The following VARS1 variants were observed in gnomAD, a reference collection of about 807,000 sequenced individuals.
VARS1 encodes valine--tRNA ligase.
A neutral mutation model predicts 161.0 loss-of-function variants in VARS1; 92 were observed. The ratio of observed to expected loss-of-function variants is 0.57; its 90% confidence interval spans 0.48 to 0.68. VARS1 has a LOEUF of 0.68. VARS1 is among the 30% of genes least tolerant of loss of function. The pLI, the probability that VARS1 is intolerant of heterozygous loss-of-function variation, is 0.00. For synonymous variants in VARS1, 595 were observed against 682.5 expected (o/e 0.87, Z 2.00); for missense variants, 1,338 against 1,695.9 (o/e 0.79, Z 3.71).
In VARS1 at chr6:31,780,964, G is replaced by T. The variant is rs1480784146; in HGVS notation, c.2650-26C>A. ...CTGAGGGTGGAGTGGGAGCAGTCAGGTGGCTGTGACCACAGCCCCACGGCC... is the reference window on the plus strand; with the variant it reads ...CTGAGGGTGGAGTGGGAGCAGTCAGTTGGCTGTGACCACAGCCCCACGGCC... On this transcript the variant is annotated intron_variant, in intron 22 of 29. Transcript: ENST00000375663. The surrounding 1 kb of genome is among the most constrained non-coding windows in gnomAD (Gnocchi z 5.1). 6.2e-7 allele frequency: 1 copy of T among 1,614,032 alleles called. No homozygotes were observed. Among genetic ancestry groups the T allele is most frequent in the Non-Finnish European group, 8.5e-7 (1 of 1,180,012 alleles).
chr6:31,778,053 A>C lies in VARS1; in HGVS notation c.3727-391T>G. On this transcript the variant is annotated intron_variant, in intron 29 of 29. Transcript: ENST00000375663. The surrounding 1 kb of genome is among the most constrained non-coding windows in gnomAD (Gnocchi z 5.1). ...CAAGTGAGATTAACCACGTCCACTC[A>C]AGGCTCTCTAGCTCTTGGCCTCCAT... 3.8e-6 allele frequency: 1 copy of C among 261,372 alleles called. No homozygotes were observed. Among genetic ancestry groups the C allele is most frequent in the Non-Finnish European group, 7.5e-6 (1 of 133,960 alleles). The allele number at this position is 261,372 out of a possible 1,614,324, so 16.2% of individuals were successfully genotyped here.
At position 31,783,076 on chromosome 6, in the gene VARS1, A is replaced by C. The variant is rs776070632; in HGVS notation, c.1762+20T>G. ...AGCTCCAGTCTTTTCCTCTCCCCAC[A>C]GGACCAGCCCCTTGCCCACCTGTGC... On this transcript the variant is annotated intron_variant, in intron 14 of 29. Coordinates refer to ENST00000375663, the MANE Select transcript of VARS1 (RefSeq NM_006295.3). 2 of 1,611,056 alleles carry C rather than the reference A, an allele frequency of 1.2e-6. No individual in the cohort carries two copies. The highest frequency in any genetic ancestry group is 1.7e-6 in the Non-Finnish European group (2 of 1,179,134).
intron 8 of VARS1, among the ~76,000 whole-genome samples, chr6:31,786,103 A>T (rs1813483575): frequency 6.6e-6 from 1 of 152,238 alleles, no homozygotes; most frequent in South Asian, 2.1e-4. Flanking sequence ...TGTATTAAAA[A>T]TACAAAATTA....
chr6:31,780,481 C>T lies in VARS1; in HGVS notation c.2885G>A (p.Arg962His), dbSNP rs570418189. 10 of 1,613,876 alleles carry T rather than the reference C, an allele frequency of 6.2e-6. No individual in the cohort carries two copies. Among genetic ancestry groups the T allele is most frequent in the East Asian group, 2.2e-5 (1 of 44,904 alleles). Residue 962 changes from arginine (R) to histidine (H), a missense_variant, in exon 25 of 30, where the codon CGT becomes CAT. Physicochemically the swap from Arg to His is conservative, Grantham distance 29. Around this residue, in one of 3 missense-constraint regions of VARS1, gnomAD observed 433 missense variants for 586.2 expected, o/e 0.74. Transcript: ENST00000375663. The surrounding 1 kb of genome is among the most constrained non-coding windows in gnomAD (Gnocchi z 5.1). ...KLWNATKFALRGLGKGFVPSP... is the reference protein window; with the variant it reads ...KLWNATKFALHGLGKGFVPSP... ...GGGCACAAAACCCTTCCCAAGGCCACGAAGGGCAAACTTGGTGGCATTCCA... is the reference window on the plus strand; with the variant it reads ...GGGCACAAAACCCTTCCCAAGGCCATGAAGGGCAAACTTGGTGGCATTCCA...
intron 8 of VARS1, among the ~76,000 whole-genome samples, chr6:31,789,666 G>T (rs1813737950): frequency 6.6e-6 from 1 of 152,158 alleles, no homozygotes; most frequent in African/African-American, 2.4e-5. Flanking sequence ...TAGAGCAGGG[G>T]TATCCAATCT....
rs1389699908 is a variant in VARS1 at position 31,781,258 on chromosome 6, C to T, written c.2545-135G>A. On this transcript the variant is annotated intron_variant, in intron 21 of 29. Coordinates refer to ENST00000375663, the MANE Select transcript of VARS1 (RefSeq NM_006295.3). This position sits in a 1 kb window ranked among gnomAD's most constrained non-coding sequence, Gnocchi z 6.8. Reference sequence around the variant, plus strand: ...TGAGTGTCCCCAAGAGCTCGTTGAGCGCCTTTATGTGAATCAGAAGCACTC... The same window carrying T: ...TGAGTGTCCCCAAGAGCTCGTTGAGTGCCTTTATGTGAATCAGAAGCACTC... The T allele has an allele frequency of 8.3e-6, 10 of 1,198,512 alleles. No individual in the cohort carries two copies. Among genetic ancestry groups the T allele is most frequent in the South Asian group, 2.7e-5 (2 of 73,628 alleles). The allele number at this position is 1,198,512 out of a possible 1,614,324, so 74.2% of individuals were successfully genotyped here. A position where few individuals can be genotyped will look rare whatever the true frequency, so the allele number is the denominator to read the frequency against.
chr6:31,794,821 A>ACC lies in VARS1; in HGVS notation c.387+8_387+9dup, dbSNP rs757900047. ...TTCTCCCCTCCCCCTCTTCTGTACA[A>ACC]CCCCCTCACCTGGGGGTCCTGGGCC... is the stretch of plus-strand genomic sequence containing the variant. On this transcript the variant is annotated intron_variant, in intron 2 of 29. Transcript: ENST00000375663. The ACC allele has an allele frequency of 2.5e-6, 4 of 1,575,254 alleles. No individual in the cohort carries two copies. The highest frequency in any genetic ancestry group is 3.5e-6 in the Non-Finnish European group (4 of 1,156,436).
At position 31,782,933 on chromosome 6, in the gene VARS1, G is replaced by A. The variant is rs1351269608; in HGVS notation, c.1763-88C>T. On this transcript the variant is annotated intron_variant, in intron 14 of 29. Coordinates refer to ENST00000375663, the MANE Select transcript of VARS1 (RefSeq NM_006295.3). The surrounding 1 kb of genome is among the most constrained non-coding windows in gnomAD (Gnocchi z 8.3). ...CTCTTTTGCTGAAGGATGTAGCTCC[G>A]AGACCACTCCTGGCCCCCACTTGTC... 1.3e-6 allele frequency: 2 copies of A among 1,546,480 alleles called. No individual in the cohort carries two copies. Among genetic ancestry groups the A allele is most frequent in the Admixed American group, 1.9e-5 (1 of 52,576 alleles).
At chr6:31,783,376 G>A (rs1015098936) in intron 13 of VARS1, 190 bp from the exon 14 acceptor site, 2 of 604,396 alleles carry the variant, frequency 3.3e-6, no homozygotes, top group Non-Finnish European at 2.9e-6. Context: ...CAGGTGTGGT[G>A]ACGCGTGCCT....
At chr6:31,790,571 C>T (rs1219895510) in intron 8 of VARS1, among the ~76,000 whole-genome samples, 1 of 134,744 alleles carries the variant, frequency 7.4e-6, no homozygotes, top group African/African-American at 2.8e-5. Context: ...CACTGTACTC[C>T]AGCCTGAGCA....
chr6:31,777,649 T>C lies in VARS1; in HGVS notation c.3740A>G (p.Glu1247Gly), dbSNP rs1189002134. 6.2e-7 allele frequency: 1 copy of C among 1,613,604 alleles called. No homozygotes were observed. The highest frequency in any genetic ancestry group is 1.7e-5 in the Admixed American group (1 of 59,952). ...CTCATCCACCTTCCTGAGCTCTGCT[T>C]CTGTCTGTTGGAGCTGGAGTGGAAC... ...EADEAKLQQTEAELRKVDEAI... is the reference protein window; with the variant it reads ...EADEAKLQQTGAELRKVDEAI... Residue 1247 changes from glutamate to glycine, a missense_variant, in exon 30 of 30, where the codon GAA becomes GGA. Transcript: ENST00000375663. The surrounding 1 kb of genome is among the most constrained non-coding windows in gnomAD (Gnocchi z 5.8).
Position 31,779,302 on chromosome 6 carries a change from A to T in VARS1, c.3401-10T>A. Reference sequence around the variant, plus strand: ...GCCACTTCCAGGAAACCTGCCAGGGAGGGAGAAAGGTGAGGCCTAGCTCCA... The same window carrying T: ...GCCACTTCCAGGAAACCTGCCAGGGTGGGAGAAAGGTGAGGCCTAGCTCCA... On this transcript the variant is annotated splice_polypyrimidine_tract_variant and intron_variant, in intron 28 of 29. Coordinates refer to ENST00000375663, the MANE Select transcript of VARS1 (RefSeq NM_006295.3). The surrounding 1 kb of genome is among the most constrained non-coding windows in gnomAD (Gnocchi z 9.1). 1 of 1,601,802 alleles carries T rather than the reference A, an allele frequency of 6.2e-7. No individual in the cohort carries two copies. The highest frequency in any genetic ancestry group is 8.5e-7 in the Non-Finnish European group (1 of 1,179,510).
Position 31,781,923 on chromosome 6 carries a change from T to C in VARS1, c.2271A>G (p.Gly757=). 1 of 1,612,944 alleles carries C rather than the reference T, an allele frequency of 6.2e-7. No individual in the cohort carries two copies. Among genetic ancestry groups the C allele is most frequent in the African/African-American group, 1.3e-5 (1 of 75,034 alleles). ...TCTCCCGGGCCTCCGCCTCATTGCG[T>C]CCACTCACCCAGTACCGCCCATCAG... is the stretch of plus-strand genomic sequence containing the variant. ...EDPDGRYWVS[G]RNEAEAREKA... The change falls in exon 19 of 30, where the codon GGA becomes GGG. Residue 757 remains glycine, a synonymous_variant. Coordinates refer to ENST00000375663, the MANE Select transcript of VARS1 (RefSeq NM_006295.3). This position sits in a 1 kb window ranked among gnomAD's most constrained non-coding sequence, Gnocchi z 6.8.
Position 31,781,976 on chromosome 6 carries a change from C to G in VARS1, c.2242-24G>C. ...TCCTGCCACAGGTGCAGTGATTACC[C>G]AAGGGGGTGTGTCTGCTTCTGGCTC... is the stretch of plus-strand genomic sequence containing the variant. On this transcript the variant is annotated intron_variant, in intron 18 of 29. Coordinates refer to ENST00000375663, the MANE Select transcript of VARS1 (RefSeq NM_006295.3). The surrounding 1 kb of genome is among the most constrained non-coding windows in gnomAD (Gnocchi z 6.8). The G allele has an allele frequency of 6.2e-7, 1 of 1,613,076 alleles. No homozygotes were observed. The highest frequency in any genetic ancestry group is 1.1e-5 in the South Asian group (1 of 91,080).
intron 6 of VARS1, 82 bp from the exon 7 acceptor site, chr6:31,792,053 TCTCCGTCA>T: frequency 6.8e-7 from 1 of 1,464,524 alleles, no homozygotes; most frequent in East Asian, 2.4e-5. Flanking sequence ...GGGATCGGGA[TCTCCGTCA>T]CTCACATCAT....
rs752441695 is a variant in VARS1 at position 31,784,683 on chromosome 6, A to G, written c.1379T>C (p.Val460Ala). 6.2e-6 allele frequency: 10 copies of G among 1,613,026 alleles called. No individual in the cohort carries two copies. In the Admixed American group the frequency reaches 1.7e-4, roughly 27 times the overall value. The change falls in exon 11 of 30, where the codon GTC becomes GCC. Residue 460 changes from valine to alanine, a missense_variant. Around this residue, in one of 3 missense-constraint regions of VARS1, gnomAD observed 902 missense variants for 1,090.3 expected, o/e 0.83. Transcript: ENST00000375663. This position sits in a 1 kb window ranked among gnomAD's most constrained non-coding sequence, Gnocchi z 6.1. ...KLSAAVTEAF[V>A]RLHEEGIIYR... Reference sequence around the variant, plus strand: ...GATGATGCCTTCCTCGTGAAGCCGGACAAAGGCCTCTGTCACAGCTGCTGA... The same window carrying G: ...GATGATGCCTTCCTCGTGAAGCCGGGCAAAGGCCTCTGTCACAGCTGCTGA...
chr6:31,791,987 G>T lies in VARS1; in HGVS notation c.872-16C>A. ...CCACTGACATCTGGGGGAGAGGAAG[G>T]GAGGGCTCAGTGCCGTGGCTGGGAG... On this transcript the variant is annotated splice_polypyrimidine_tract_variant and intron_variant, in intron 6 of 29. Transcript: ENST00000375663. The surrounding 1 kb of genome is among the most constrained non-coding windows in gnomAD (Gnocchi z 5.0). The T allele has an allele frequency of 1.3e-6, 2 of 1,564,328 alleles. No individual in the cohort carries two copies. Among genetic ancestry groups the T allele is most frequent in the East Asian group, 2.3e-5 (1 of 43,990 alleles).
Position 31,780,248 on chromosome 6 carries a change from GATGAGT to G in VARS1, c.2926-101_2926-96del. On this transcript the variant is annotated intron_variant, in intron 25 of 29. Coordinates refer to ENST00000375663, the MANE Select transcript of VARS1 (RefSeq NM_006295.3). This position sits in a 1 kb window ranked among gnomAD's most constrained non-coding sequence, Gnocchi z 5.1. ...ATGGGCAAATCTTCATCCAGAGTCT[GATGAGT>G]CCAAAGCAACCACCTATGTGCCAGG... The G allele has an allele frequency of 6.4e-7, 1 of 1,565,504 alleles. No homozygotes were observed. Among genetic ancestry groups the G allele is most frequent in the South Asian group, 1.2e-5 (1 of 85,816 alleles).
In VARS1 at chr6:31,779,055, C is replaced by A; in HGVS notation, c.3638G>T (p.Arg1213Leu). 6.2e-7 allele frequency: 1 copy of A among 1,612,748 alleles called. No individual in the cohort carries two copies. Among genetic ancestry groups the A allele is most frequent in the Non-Finnish European group, 8.5e-7 (1 of 1,179,942 alleles). Reference sequence around the variant, plus strand: ...GCGTTCCCGCAGACGCTGGGCCTGCCGCTGGGCCTCAACTCGCTTGGCTTG... The same window carrying A: ...GCGTTCCCGCAGACGCTGGGCCTGCAGCTGGGCCTCAACTCGCTTGGCTTG... ...KLQAKRVEAQ[R>L]QAQRLRERRA... Residue 1213 changes from arginine to leucine, a missense_variant, in exon 29 of 30, where the codon CGG becomes CTG. Arg to Leu is a moderately radical substitution (Grantham distance 102). Coordinates refer to ENST00000375663, the MANE Select transcript of VARS1 (RefSeq NM_006295.3). The surrounding 1 kb of genome is among the most constrained non-coding windows in gnomAD (Gnocchi z 9.1).
Sources: allele counts gnomAD v4.1 joint callset (sites outside exome capture counted in the v4.1 genomes callset), GRCh38; gene constraint gnomAD v4.1.1; regional missense constraint gnomAD v4.1.1; non-coding constraint Gnocchi (gnomAD v3.1); transcripts MANE v1.5; gene names NCBI Gene and HGNC (gene_info 2026-07-23, HGNC 2026-07-21).